The following SRRM2 variants were observed in gnomAD, a reference collection of about 807,000 sequenced individuals.
SRRM2 encodes the protein serine/arginine repetitive matrix protein 2.
SRRM2 carries 30 observed loss-of-function variants against 213.8 expected under a neutral mutation model. The ratio of observed to expected loss-of-function variants is 0.14; its 90% CI spans 0.10 to 0.19. The LOEUF (loss-of-function observed/expected upper bound fraction) is 0.19, where lower values mean the gene tolerates loss of function less well. SRRM2 is among the 10% of genes least tolerant of loss of function. The pLI, the probability that SRRM2 is intolerant of heterozygous loss-of-function variation, is 1.00. For synonymous variants in SRRM2, 2,025 were observed against 1,377.7 expected (o/e 1.47, Z -10.40); for missense variants, 4,904 against 3,647.0 (o/e 1.34, Z -8.88).
At position 2,756,395 on chromosome 16, in the gene SRRM2, C is replaced by A; in HGVS notation, c.31C>A (p.Arg11=). 1 of 1,607,880 alleles carries A rather than the reference C, an allele frequency of 6.2e-7. No individual in the cohort carries two copies. The highest frequency in any genetic ancestry group is 8.5e-7 in the Non-Finnish European group (1 of 1,177,854). ...CAACGGGATCGGGCTGCCGACGCCCCGGGGCAGCGGCACCAACGGCTACGT... is the reference window on the plus strand; with the variant it reads ...CAACGGGATCGGGCTGCCGACGCCCAGGGGCAGCGGCACCAACGGCTACGT... MYNGIGLPTP[R]GSGTNGYVQR... is the part of the protein sequence containing the mutation. Residue 11 remains arginine, a synonymous_variant, in exon 2 of 15, where the codon CGG becomes AGG. Transcript: ENST00000301740.
intron 1 of SRRM2, 31 bp from the exon 2 acceptor site, chr16:2,756,303 G>T (rs1596260900): frequency 6.7e-7 from 1 of 1,497,924 alleles, no homozygotes; most frequent in East Asian, 2.4e-5. Context: ...GGGGCCAGGG[G>T]CCTGACCCGT....
In SRRM2 at chr16:2,765,377, G is replaced by C. The variant is rs2068503102; in HGVS notation, c.4849G>C (p.Gly1617Arg). The change falls in exon 11 of 15, where the codon GGT (glycine) becomes CGT (arginine). Residue 1617 changes from glycine to arginine, a missense_variant. Gly to Arg is a moderately radical substitution (Grantham distance 125). Coordinates refer to ENST00000301740, the MANE Select transcript of SRRM2 (RefSeq NM_016333.4). ...KPRAAPRAQSGSDSSPEPKAP... is the reference protein window; with the variant it reads ...KPRAAPRAQSRSDSSPEPKAP... ...AAGAGCAGCACCCAGGGCACAGAGT[G>C]GTTCTGATTCCTCTCCTGAACCTAA... 12 of 1,614,156 alleles carry C rather than the reference G, an allele frequency of 7.4e-6. No individual in the cohort carries two copies. In the East Asian group the frequency reaches 2.7e-4, roughly 36 times the overall value.
Position 2,769,497 on chromosome 16 carries a change from G to A in SRRM2, c.8021+213G>A. On this transcript the variant is annotated intron_variant, in intron 12 of 14. Coordinates refer to ENST00000301740, the MANE Select transcript of SRRM2 (RefSeq NM_016333.4). ...CACAGCGGCGCTCAGGCCAGGACCA[G>A]GGGGTCCTTGGTTTCTTCCTCTCCC... is the stretch of plus-strand genomic sequence containing the variant. 3 of 635,950 alleles carry A rather than the reference G, an allele frequency of 4.7e-6. No individual in the cohort carries two copies. In the South Asian group the frequency reaches 5.5e-5, roughly 12 times the overall value. The allele number at this position is 635,950 out of a possible 1,614,324, so 39.4% of individuals were successfully genotyped here.
At chr16:2,755,849 TG>T (rs2068122225) in intron 1 of SRRM2, among the ~76,000 whole-genome samples, 1 of 152,178 alleles carries the variant, frequency 6.6e-6, no homozygotes, top group Non-Finnish European at 1.5e-5. Context: ...TCTTTGGACA[TG>T]GACTAGAGGC....
chr16:2,758,646 G>C, intron 5 of SRRM2, 99 bp downstream of exon 5: 1 of 1,212,994 alleles, frequency 8.2e-7, no homozygotes, highest in Non-Finnish European at 1.2e-6. Flanking sequence ...CAAAGCAGGA[G>C]ATAGTTGTCA....
chr16:2,752,641 C>G lies in SRRM2; in HGVS notation c.-237C>G. 1 of 236,168 alleles carries G rather than the reference C, an allele frequency of 4.2e-6. No homozygotes were observed. Among genetic ancestry groups the G allele is most frequent in the Non-Finnish European group, 8.8e-6 (1 of 114,024 alleles). The allele number at this position is 236,168 out of a possible 1,614,324, so 14.6% of individuals were successfully genotyped here. ...GTGCTGACGCACGCAGTTAGTCGTG[C>G]TGACGTGCAGCGCGGCCCAGGCGGG... On this transcript the variant is annotated 5_prime_UTR_variant, in exon 1 of 15. Coordinates refer to ENST00000301740, the MANE Select transcript of SRRM2 (RefSeq NM_016333.4).
At position 2,762,845 on chromosome 16, in the gene SRRM2, T is replaced by G; in HGVS notation, c.2317T>G (p.Leu773Val). 1 of 1,614,200 alleles carries G rather than the reference T, an allele frequency of 6.2e-7. No individual in the cohort carries two copies. The highest frequency in any genetic ancestry group is 8.5e-7 in the Non-Finnish European group (1 of 1,180,032). Residue 773 changes from leucine (L) to valine (V), a missense_variant, in exon 11 of 15, where the codon TTG (leucine) becomes GTG (valine). Leu to Val is a conservative substitution (Grantham distance 32, BLOSUM62 1). Coordinates refer to ENST00000301740, the MANE Select transcript of SRRM2 (RefSeq NM_016333.4). Reference sequence around the variant, plus strand: ...ACCACGGTCCAAAGCAAAATCTCGCTTGTCTTTGAGGCGCAGCCTTTCAGG... The same window carrying G: ...ACCACGGTCCAAAGCAAAATCTCGCGTGTCTTTGAGGCGCAGCCTTTCAGG... ...SSPRSKAKSRLSLRRSLSGSS... is the reference protein window; with the variant it reads ...SSPRSKAKSRVSLRRSLSGSS...
rs768589126 is a variant in SRRM2, at chr16:2,762,904, A to T, written c.2376A>T (p.Thr792=). ...CATGCCCTAAACAAAAGTCACAGACACCACCCAGGCGCAGTCGCTCTGGAT... is the reference window on the plus strand; with the variant it reads ...CATGCCCTAAACAAAAGTCACAGACTCCACCCAGGCGCAGTCGCTCTGGAT... ...SSPCPKQKSQ[T]PPRRSRSGSS... Residue 792 remains threonine, a synonymous_variant, in exon 11 of 15, where the codon ACA becomes ACT. Coordinates refer to ENST00000301740, the MANE Select transcript of SRRM2 (RefSeq NM_016333.4). 6 of 1,614,146 alleles carry T rather than the reference A, an allele frequency of 3.7e-6. No individual in the cohort carries two copies. Among genetic ancestry groups the T allele is most frequent in the Non-Finnish European group, 5.1e-6 (6 of 1,180,000 alleles).
chr16:2,757,391 T>G, intron 2 of SRRM2, 81 bp from the exon 3 acceptor site: 1 of 1,348,826 alleles, frequency 7.4e-7, no homozygotes, highest in African/African-American at 1.4e-5. Flanking sequence ...GAGGGGCCCC[T>G]TTTGGGAATG....
Position 2,764,747 on chromosome 16 carries a change from C to T in SRRM2, c.4219C>T (p.Leu1407Phe). ...SSNQSISSPV[L>F]DAVPRTPSRE... ...AAATCAGAGCATCTCTTCACCTGTGCTTGATGCTGTACCCAGAACACCCTC... is the reference window on the plus strand; with the variant it reads ...AAATCAGAGCATCTCTTCACCTGTGTTTGATGCTGTACCCAGAACACCCTC... The change falls in exon 11 of 15, where the codon CTT becomes TTT. Residue 1407 changes from leucine to phenylalanine, a missense_variant. Physicochemically the swap from Leu to Phe is conservative, Grantham distance 22. Transcript: ENST00000301740. 1.2e-6 allele frequency: 2 copies of T among 1,614,170 alleles called. No individual in the cohort carries two copies. Among genetic ancestry groups the T allele is most frequent in the Non-Finnish European group, 1.7e-6 (2 of 1,180,026 alleles).
At chr16:2,755,977 A>G (rs922037162) in intron 1 of SRRM2, among the ~76,000 whole-genome samples, 1 of 152,196 alleles carries the variant, frequency 6.6e-6, no homozygotes, top group Non-Finnish European at 1.5e-5. Flanking sequence ...TTTTGGGGCC[A>G]AAGGAGAACA....
In SRRM2 at chr16:2,763,648, A is replaced by G; in HGVS notation, c.3120A>G (p.Lys1040=). 6.2e-7 allele frequency: 1 copy of G among 1,614,148 alleles called. No individual in the cohort carries two copies. The highest frequency in any genetic ancestry group is 8.5e-7 in the Non-Finnish European group (1 of 1,180,036). The change falls in exon 11 of 15, where the codon AAA becomes AAG. Residue 1040 remains lysine (K), a synonymous_variant. Coordinates refer to ENST00000301740, the MANE Select transcript of SRRM2 (RefSeq NM_016333.4). ...CCCTCTCTCTCTGTGCAGGAGTAAA[A>G]TCTAGCACACCACCAGGCGAGAGCT... ...PGSLSLCAGV[K]SSTPPGESYF...
At position 2,762,757 on chromosome 16, in the gene SRRM2, C is replaced by T; in HGVS notation, c.2229C>T (p.Ser743=). ...GAACATCTCAAAGAAGAAGCAGGTC[C>T]AATTCAAGCCCAGAAATGAAGAAAT... ...KSRTSQRRSR[S]NSSPEMKKSR... is the part of the protein sequence containing the mutation. Residue 743 remains serine (S), a synonymous_variant, in exon 11 of 15, where the codon TCC becomes TCT. Transcript: ENST00000301740. 6.2e-7 allele frequency: 1 copy of T among 1,614,162 alleles called. No homozygotes were observed. Among genetic ancestry groups the T allele is most frequent in the Non-Finnish European group, 8.5e-7 (1 of 1,180,044 alleles).
chr16:2,760,451 G>C lies in SRRM2; in HGVS notation c.984G>C (p.Thr328=), dbSNP rs763353556. ...TQRPSSPETA[T]KQPSSPYEDK... Reference sequence around the variant, plus strand: ...GGCCTAGTAGCCCGGAGACTGCTACGAAACAGCCTAGCAGCCCTTATGAAG... The same window carrying C: ...GGCCTAGTAGCCCGGAGACTGCTACCAAACAGCCTAGCAGCCCTTATGAAG... The change falls in exon 10 of 15, where the codon ACG becomes ACC. Residue 328 remains threonine (T), a synonymous_variant. Transcript: ENST00000301740. 13 of 1,614,082 alleles carry C rather than the reference G, an allele frequency of 8.1e-6. No individual in the cohort carries two copies. The highest frequency in any genetic ancestry group is 4.0e-5 in the African/African-American group (3 of 74,918).
Position 2,764,007 on chromosome 16 carries a change from A to C in SRRM2, c.3479A>C (p.Glu1160Ala), listed in dbSNP as rs773095322. ...TCTCTCTTGGGGCAGAGTAGATTGGAGACTGCTGAATCAAAAGAGAAAATG... is the reference window on the plus strand; with the variant it reads ...TCTCTCTTGGGGCAGAGTAGATTGGCGACTGCTGAATCAAAAGAGAAAATG... ...SNSLLGQSRL[E>A]TAESKEKMAL... is the part of the protein sequence containing the mutation. The change falls in exon 11 of 15, where the codon GAG (glutamate) becomes GCG (alanine). Residue 1160 changes from glutamate (E) to alanine (A), a missense_variant. Glu to Ala is a moderately radical substitution (Grantham distance 107, BLOSUM62 -1). Coordinates refer to ENST00000301740, the MANE Select transcript of SRRM2 (RefSeq NM_016333.4). 2 of 1,614,210 alleles carry C rather than the reference A, an allele frequency of 1.2e-6. No homozygotes were observed. The highest frequency in any genetic ancestry group is 3.3e-5 in the Admixed American group (2 of 60,028).
rs543642011 is a variant in SRRM2, at chr16:2,753,141, C to T, written c.-32+295C>T. ...GAGGGCGCGCGCCTCGGCTTCACTC[C>T]TCCCCCCAACATGTGCCGCCGAGGT... On this transcript the variant is annotated intron_variant, in intron 1 of 14. Transcript: ENST00000301740. Among the ~76,000 whole-genome samples the T allele has an allele frequency of 2.6e-5, 4 of 152,082 alleles. No individual in the cohort carries two copies. In the East Asian group the frequency reaches 5.8e-4, roughly 22 times the overall value.
chr16:2,766,697 C>T lies in SRRM2; in HGVS notation c.6169C>T (p.Arg2057Cys), dbSNP rs144781002. 2.9e-5 allele frequency: 47 copies of T among 1,614,092 alleles called. No homozygotes were observed. The highest frequency in any genetic ancestry group is 3.3e-5 in the South Asian group (3 of 91,088). ...TGCTATCCGCCGCCGCTCCAGATCC[C>T]GTACTCCACGAACAGCTCGGGGTAA... ...PLAIRRRSRS[R>C]TPRTARGKRS... Residue 2057 changes from arginine (R) to cysteine (C), a missense_variant, in exon 11 of 15, where the codon CGT becomes TGT. By Grantham distance (180) the Arg-to-Cys change is radical (BLOSUM62 -3). Coordinates refer to ENST00000301740, the MANE Select transcript of SRRM2 (RefSeq NM_016333.4). The surrounding 1 kb of genome is among the most constrained non-coding windows in gnomAD (Gnocchi z 7.0).
rs143301377 is a variant in SRRM2 at position 2,765,651 on chromosome 16, G to A, written c.5123G>A (p.Arg1708His). ...TRKARLSRRS[R>H]SASSSPETRS... ...AAGGCCAGACTGTCCCGTAGAAGCC[G>A]CTCTGCCTCATCCTCACCAGAAACT... The change falls in exon 11 of 15, where the codon CGC becomes CAC. Residue 1708 changes from arginine to histidine, a missense_variant. Transcript: ENST00000301740. 2.0e-5 allele frequency: 33 copies of A among 1,613,968 alleles called. No homozygotes were observed. Among genetic ancestry groups the A allele is most frequent in the South Asian group, 4.4e-5 (4 of 91,078 alleles).
rs775443188 is a variant in SRRM2 at position 2,763,513 on chromosome 16, A to G, written c.2985A>G (p.Pro995=). The part of the protein sequence containing the change: ...PRQSHSGSIS[P]YPKVKAQTPP... Reference sequence around the variant, plus strand: ...AAAGTCACTCAGGGTCTATTTCACCATACCCCAAAGTAAAGGCCCAAACTC... The same window carrying G: ...AAAGTCACTCAGGGTCTATTTCACCGTACCCCAAAGTAAAGGCCCAAACTC... Residue 995 remains proline, a synonymous_variant, in exon 11 of 15, where the codon CCA becomes CCG. Coordinates refer to ENST00000301740, the MANE Select transcript of SRRM2 (RefSeq NM_016333.4). 1.2e-5 allele frequency: 19 copies of G among 1,614,064 alleles called. No individual in the cohort carries two copies. The African/African-American group carries it at 1.7e-4, about 15-fold the overall frequency.
Sources: gnomAD v4.1 joint callset for allele counts (sites outside exome capture counted in the v4.1 genomes callset) on GRCh38, gnomAD v4.1.1 for gene constraint, Gnocchi (gnomAD v3.1) non-coding constraint, MANE v1.5 for transcripts, NCBI Gene and HGNC (gene_info 2026-07-23, HGNC 2026-07-21) for gene names.